Variants in NKAIN3 observed in about 807,000 individuals in gnomAD.
NKAIN3 encodes the protein sodium/potassium-transporting ATPase subunit beta-1-interacting protein 3.
In NKAIN3, 25 loss-of-function variants were observed where a neutral mutation model predicts 30.2. The ratio of observed to expected loss-of-function variants is 0.83; its 90% confidence interval spans 0.60 to 1.16. The LOEUF (loss-of-function observed/expected upper bound fraction) is 1.16. NKAIN3 is among the 50% of genes most tolerant of loss of function. NKAIN3 has a pLI of 0.00. For synonymous variants in NKAIN3, 91 were observed against 89.6 expected, an observed-to-expected ratio of 1.02 and a Z score of -0.09; for missense variants, 225 against 254.1, an observed-to-expected ratio of 0.89 and a Z score of 0.78.
chr8:62,512,179 T>C (rs140750528), intron 1 of NKAIN3, among the ~76,000 whole-genome samples: 1 of 152,278 alleles, frequency 6.6e-6, no homozygotes, highest in East Asian at 1.9e-4. Context: ...TTTTTATCTA[T>C]GAAGATTGCT....
intron 4 of NKAIN3, chr8:62,856,272 C>A (rs1820056578): frequency 1.2e-5 from 11 of 919,582 alleles, no homozygotes; most frequent in African/African-American, 3.2e-5. Context: ...GGCTTGAGAG[C>A]CCTCTGGACC....
chr8:62,966,114 G>A lies in NKAIN3; in HGVS notation c.*707G>A. On this transcript the variant is annotated 3_prime_UTR_variant, in exon 7 of 7. Coordinates refer to ENST00000623646, the MANE Select transcript of NKAIN3 (RefSeq NM_001304533.3). The stretch of plus-strand genomic sequence containing the variant: ...TTTCCCCTTTGGAGGGAATATGGGT[G>A]TCTCTGAGGTCCATATTTTCTACTC... 1 of 984,292 alleles carries A rather than the reference G, an allele frequency of 1.0e-6. No individual in the cohort carries two copies. The highest frequency in any genetic ancestry group is 1.2e-6 in the Non-Finnish European group (1 of 828,942). 61.0% of individuals were successfully genotyped at this position (984,292 alleles called of 1,614,324 possible).
chr8:62,761,154 C>T (rs924180680), intron 4 of NKAIN3, among the ~76,000 whole-genome samples: 1 of 152,110 alleles, frequency 6.6e-6, no homozygotes, highest in South Asian at 2.1e-4. Flanking sequence ...TGCATAATTA[C>T]TAGCATATGA....
intron 3 of NKAIN3, among the ~76,000 whole-genome samples, chr8:62,721,915 G>A (rs1382168242): frequency 6.6e-6 from 1 of 152,152 alleles, no homozygotes; most frequent in Non-Finnish European, 1.5e-5. Context: ...ATTCCACCTG[G>A]CAAGTGTCCC....
intron 4 of NKAIN3, among the ~76,000 whole-genome samples, chr8:62,887,908 A>G (rs781171740): frequency 6.6e-6 from 1 of 152,158 alleles, no homozygotes; most frequent in South Asian, 2.1e-4. Context: ...GTCTCTTCAA[A>G]CTAAGAAGTT....
At chr8:62,919,227 ATTTTTTTTTTTTTT>A (rs71255371) in intron 5 of NKAIN3, among the ~76,000 whole-genome samples, 32 of 47,188 alleles carry the variant, frequency 6.8e-4, no homozygotes, top group South Asian at 2.7e-3. Flanking sequence ...TACTTTCAAA[ATTTTTTTTTTTTTT>A]TTTTTTTTTT....
intron 1 of NKAIN3, among the ~76,000 whole-genome samples, chr8:62,283,038 A>T (rs1311167837): frequency 1.3e-5 from 2 of 152,180 alleles, no homozygotes; most frequent in Non-Finnish European, 2.9e-5. Context: ...GCTCAAGTGC[A>T]CCACACCGTA....
chr8:62,364,519 AC>A (rs1816666971), intron 1 of NKAIN3, among the ~76,000 whole-genome samples: 1 of 151,310 alleles, frequency 6.6e-6, no homozygotes, highest in African/African-American at 2.4e-5. Context: ...AAGAAATTCT[AC>A]TCCTTTGTTC....
chr8:62,279,140 AT>A (rs1813080333), intron 1 of NKAIN3, among the ~76,000 whole-genome samples: 1 of 152,026 alleles, frequency 6.6e-6, no homozygotes, highest in Non-Finnish European at 1.5e-5. Context: ...GATGATGAGC[AT>A]TTTTTCACGT....
intron 1 of NKAIN3, among the ~76,000 whole-genome samples, chr8:62,484,054 C>T (rs942003930): frequency 7.2e-5 from 11 of 152,196 alleles, no homozygotes; most frequent in African/African-American, 2.7e-4. Flanking sequence ...TCAGCAGATA[C>T]ACAAGTCGGT....
chr8:62,364,926 T>A (rs1282700212), intron 1 of NKAIN3, among the ~76,000 whole-genome samples: 1 of 151,730 alleles, frequency 6.6e-6, no homozygotes, highest in African/African-American at 2.4e-5. Flanking sequence ...ATACATTTGT[T>A]AAAAACCTTT....
At chr8:62,564,088 T>C in intron 1 of NKAIN3, among the ~76,000 whole-genome samples, 1 of 152,200 alleles carries the variant, frequency 6.6e-6, no homozygotes, top group East Asian at 1.9e-4. Flanking sequence ...AAAACGGTGA[T>C]TTTCTTCCCT....
chr8:62,746,011 A>G (rs1468806072), intron 3 of NKAIN3, among the ~76,000 whole-genome samples: 3 of 152,242 alleles, frequency 2.0e-5, no homozygotes, highest in Non-Finnish European at 4.4e-5. Context: ...GCTTTAACAA[A>G]TCATCACAAA....
At chr8:62,720,296 A>G (rs1023242023) in intron 3 of NKAIN3, among the ~76,000 whole-genome samples, 2 of 152,184 alleles carry the variant, frequency 1.3e-5, no homozygotes, top group African/African-American at 2.4e-5. Flanking sequence ...ATACATTTAC[A>G]TTAAATTACA....
At chr8:62,476,197 G>T (rs761320056) in intron 1 of NKAIN3, among the ~76,000 whole-genome samples, 1 of 152,076 alleles carries the variant, frequency 6.6e-6, no homozygotes, top group Admixed American at 6.5e-5. Flanking sequence ...TATGACCATG[G>T]CATATATTTC....
intron 3 of NKAIN3, among the ~76,000 whole-genome samples, chr8:62,703,465 A>G (rs1814410777): frequency 6.6e-6 from 1 of 152,236 alleles, no homozygotes; most frequent in African/African-American, 2.4e-5. Context: ...AACTCAAAAC[A>G]TTTAGATATA....
At chr8:62,264,042 G>C (rs1285175268) in intron 1 of NKAIN3, among the ~76,000 whole-genome samples, 1 of 152,118 alleles carries the variant, frequency 6.6e-6, no homozygotes, top group Admixed American at 6.6e-5. Flanking sequence ...ACATTGGTCA[G>C]ATATATTTAA....
chr8:62,264,668 A>G (rs1436252018), intron 1 of NKAIN3, among the ~76,000 whole-genome samples: 1 of 152,174 alleles, frequency 6.6e-6, no homozygotes, highest in Non-Finnish European at 1.5e-5. Flanking sequence ...CTTATGCTCT[A>G]TGTCAAGCTC....
intron 3 of NKAIN3, among the ~76,000 whole-genome samples, chr8:62,700,559 G>C (rs1814301928): frequency 6.6e-6 from 1 of 152,154 alleles, no homozygotes; most frequent in African/African-American, 2.4e-5. Flanking sequence ...CAATAAGTAT[G>C]GTCAATTTGG....
Sources: allele counts gnomAD v4.1 joint callset (sites outside exome capture counted in the v4.1 genomes callset), GRCh38; gene constraint gnomAD v4.1.1; transcripts MANE v1.5; gene names NCBI Gene and HGNC (gene_info 2026-07-23, HGNC 2026-07-21).